The following DOCK3 variants were observed in gnomAD, a reference collection of about 807,000 sequenced individuals.
DOCK3 encodes dedicator of cytokinesis protein 3.
DOCK3 carries 60 observed loss-of-function variants against 265.6 expected under a neutral mutation model. The observed-to-expected ratio is 0.23, with a 90% CI of 0.18 to 0.28. DOCK3 has a LOEUF of 0.28. DOCK3 is among the 10% of genes least tolerant of loss of function. DOCK3 has a pLI of 1.00. For missense variants in DOCK3, 1,981 were observed against 2,594.3 expected (o/e 0.76, Z 5.14); for synonymous variants, 881 against 938.0 (o/e 0.94, Z 1.11).
At chr3:50,885,161 T>C (rs1026387780) in intron 3 of DOCK3, among the ~76,000 whole-genome samples, 1 of 152,186 alleles carries the variant, frequency 6.6e-6, no homozygotes, top group Non-Finnish European at 1.5e-5. Context: ...GCCTTTCAGA[T>C]TGATTTCTTT....
At chr3:50,747,639 G>A (rs1367623406) in intron 1 of DOCK3, among the ~76,000 whole-genome samples, 1 of 152,114 alleles carries the variant, frequency 6.6e-6, no homozygotes, top group African/African-American at 2.4e-5. Flanking sequence ...CAAGGCAGAC[G>A]GATCACTTGA....
At chr3:50,733,507 G>A (rs762148412) in intron 1 of DOCK3, among the ~76,000 whole-genome samples, 4 of 152,008 alleles carry the variant, frequency 2.6e-5, no homozygotes, top group Non-Finnish European at 5.9e-5. Flanking sequence ...ATTTTTCACC[G>A]AAGCCTATTT....
intron 52 of DOCK3, 137 bp from the exon 53 acceptor site, chr3:51,380,913 T>C (rs1292432859): frequency 1.8e-5 from 20 of 1,137,702 alleles, no homozygotes; most frequent in Non-Finnish European, 1.1e-5. Flanking sequence ...GCTGGGAGCT[T>C]GCTGCTGAAG....
intron 5 of DOCK3, among the ~76,000 whole-genome samples, chr3:50,984,399 C>G (rs1034219012): frequency 1.3e-5 from 2 of 152,296 alleles, no homozygotes; most frequent in South Asian, 2.1e-4. Flanking sequence ...TAAGCCATAT[C>G]TTGTAGGGTC....
intron 9 of DOCK3, among the ~76,000 whole-genome samples, chr3:51,122,996 G>A (rs192130721): frequency 6.6e-6 from 1 of 152,284 alleles, no homozygotes; most frequent in East Asian, 1.9e-4. Context: ...GTCCTTTAAA[G>A]CATAAAAGAC....
intron 40 of DOCK3, among the ~76,000 whole-genome samples, chr3:51,352,965 A>G (rs765271051): frequency 6.6e-6 from 1 of 152,172 alleles, no homozygotes; most frequent in Non-Finnish European, 1.5e-5. Flanking sequence ...CTTTAGCTCT[A>G]TCAGCTTGGT....
chr3:51,316,327 T>A (rs1403539708), intron 32 of DOCK3, among the ~76,000 whole-genome samples: 1 of 152,262 alleles, frequency 6.6e-6, no homozygotes, highest in Non-Finnish European at 1.5e-5. Flanking sequence ...TATCAGTAGC[T>A]TTTCTATGCT....
At chr3:51,334,265 G>T (rs1211520158) in intron 35 of DOCK3, among the ~76,000 whole-genome samples, 1 of 152,200 alleles carries the variant, frequency 6.6e-6, no homozygotes, top group African/African-American at 2.4e-5. Context: ...CAGGGTTCAG[G>T]TGATGGCTGA....
chr3:50,876,764 G>A (rs186077667), intron 3 of DOCK3: 21 of 153,366 alleles, frequency 1.4e-4, no homozygotes, highest in African/African-American at 2.6e-4. Flanking sequence ...TTACTCTGGT[G>A]TTTTGACATA....
At chr3:51,176,460 TAA>T (rs950811829) in intron 12 of DOCK3, among the ~76,000 whole-genome samples, 1 of 39,078 alleles carries the variant, frequency 2.6e-5, no homozygotes, top group Admixed American at 1.4e-4. Flanking sequence ...TACTAAAAAA[TAA>T]AAAAAAAAAA....
chr3:50,716,618 A>G (rs2037132615), intron 1 of DOCK3, among the ~76,000 whole-genome samples: 1 of 150,958 alleles, frequency 6.6e-6, no homozygotes, highest in Non-Finnish European at 1.5e-5. Flanking sequence ...TTTTCGGTTT[A>G]TGTTTTGGTT....
At chr3:51,187,548 G>A (rs572481763) in intron 12 of DOCK3, among the ~76,000 whole-genome samples, 2 of 152,212 alleles carry the variant, frequency 1.3e-5, no homozygotes, top group Admixed American at 1.3e-4. Flanking sequence ...TGAGATTTTG[G>A]AGGAGCCAAG....
intron 35 of DOCK3, among the ~76,000 whole-genome samples, chr3:51,334,451 T>C (rs2084733188): frequency 6.6e-6 from 1 of 152,202 alleles, no homozygotes; most frequent in African/African-American, 2.4e-5. Context: ...GCTGCTGAAG[T>C]AGAAGATGCT....
intron 1 of DOCK3, among the ~76,000 whole-genome samples, chr3:50,706,407 A>T (rs2036415803): frequency 6.6e-6 from 1 of 152,172 alleles, no homozygotes; most frequent in Non-Finnish European, 1.5e-5. Context: ...AGTACTTTGA[A>T]TATATCATTC....
chr3:51,326,838 T>A (rs1486593969), intron 32 of DOCK3, among the ~76,000 whole-genome samples: 1 of 152,062 alleles, frequency 6.6e-6, no homozygotes, highest in Non-Finnish European at 1.5e-5. Flanking sequence ...TTGGTCAGGC[T>A]GGTCTCAAAC....
chr3:51,111,440 A>C (rs1052190726), intron 9 of DOCK3, among the ~76,000 whole-genome samples: 1 of 152,248 alleles, frequency 6.6e-6, no homozygotes, highest in African/African-American at 2.4e-5. Flanking sequence ...ACCTACAACT[A>C]TCTGCTCTTT....
intron 12 of DOCK3, among the ~76,000 whole-genome samples, chr3:51,188,867 A>C (rs890317933): frequency 6.6e-6 from 1 of 152,036 alleles, no homozygotes; most frequent in Non-Finnish European, 1.5e-5. Context: ...GATTGATTCC[A>C]TATCTTTGCT....
intron 10 of DOCK3, among the ~76,000 whole-genome samples, chr3:51,153,170 C>CCA (rs2085691324): frequency 6.6e-6 from 1 of 152,206 alleles, no homozygotes; most frequent in Non-Finnish European, 1.5e-5. Context: ...TGGAGCTTCC[C>CCA]CAGCCGCTTT....
intron 23 of DOCK3, among the ~76,000 whole-genome samples, chr3:51,266,356 AGCCCGCATT>A (rs1330233608): frequency 6.6e-6 from 1 of 152,220 alleles, no homozygotes; most frequent in Non-Finnish European, 1.5e-5. Flanking sequence ...ACCAAAAAAG[AGCCCGCATT>A]GCCAAGTCAA....
Sources: allele counts gnomAD v4.1 joint callset (sites outside exome capture counted in the v4.1 genomes callset), GRCh38; gene constraint gnomAD v4.1.1; transcripts MANE v1.5; gene names NCBI Gene and HGNC (gene_info 2026-07-23, HGNC 2026-07-21).